COL11A1: variants seen among roughly 807,000 people sequenced by gnomAD.
COL11A1 encodes the protein collagen type XI alpha 1 chain, also known as collagen alpha-1(XI) chain.
In COL11A1, 74 loss-of-function variants were observed where a neutral mutation model predicts 265.2. The observed-to-expected ratio is 0.28, with a 90% CI of 0.23 to 0.34. The LOEUF is 0.34. COL11A1 is among the 10% of genes least tolerant of loss of function. The pLI, the probability that COL11A1 is intolerant of heterozygous loss-of-function variation, is 1.00. For synonymous variants in COL11A1, 816 were observed against 727.6 expected, an observed-to-expected ratio of 1.12 and a Z score of -1.96; for missense variants, 2,165 against 2,263.6, an observed-to-expected ratio of 0.96 and a Z score of 0.88.
chr1:102,998,222 C>A (rs1664808068), intron 25 of COL11A1, 88 bp downstream of exon 25: 20 of 1,067,844 alleles, frequency 1.9e-5, no homozygotes, highest in Non-Finnish European at 2.9e-5. Flanking sequence ...TTATTACTAA[C>A]CTCATATAAT....
Position 102,989,507 on chromosome 1 carries a change from T to A in COL11A1, c.2394+11A>T. 6.3e-7 allele frequency: 1 copy of A among 1,597,584 alleles called. No individual in the cohort carries two copies. Among genetic ancestry groups the A allele is most frequent in the Non-Finnish European group, 8.6e-7 (1 of 1,166,548 alleles). On this transcript the variant is annotated intron_variant, in intron 29 of 66. Transcript: ENST00000370096. ...ATTTTGTGTACTGGTGTACATTTTC[T>A]CTATACTTACTCTGTCACCTTTTAG...
At chr1:103,030,392 A>T (rs1378911002) in intron 5 of COL11A1, among the ~76,000 whole-genome samples, 1 of 152,100 alleles carries the variant, frequency 6.6e-6, no homozygotes, top group Non-Finnish European at 1.5e-5. Context: ...AACAATTAAG[A>T]TAAAAGATTT....
intron 57 of COL11A1, among the ~76,000 whole-genome samples, chr1:102,892,287 T>C (rs1211667617): frequency 1.3e-5 from 2 of 152,132 alleles, no homozygotes; most frequent in East Asian, 1.9e-4. Flanking sequence ...ACATCATGAG[T>C]CACCACTATT....
In COL11A1 at chr1:103,014,570, T is replaced by C; in HGVS notation, c.1513A>G (p.Lys505Glu). 2 of 1,613,730 alleles carry C rather than the reference T, an allele frequency of 1.2e-6. No individual in the cohort carries two copies. The highest frequency in any genetic ancestry group is 1.7e-6 in the Non-Finnish European group (2 of 1,179,722). The change falls in exon 13 of 67, where the codon AAA (lysine) becomes GAA (glutamate). Residue 505 changes from lysine (K) to glutamate (E), a missense_variant. Transcript: ENST00000370096. ...TCCTGAGCAGAGATGGTTGGTCCTTTGGAACCATCACCACCATAACGGAAC... is the reference window on the plus strand; with the variant it reads ...TCCTGAGCAGAGATGGTTGGTCCTTCGGAACCATCACCACCATAACGGAAC... ...LPFRYGGDGS[K>E]GPTISAQEAQ... is the part of the protein sequence containing the mutation.
rs998600576 is a variant in COL11A1 at position 102,962,332 on chromosome 1, T to C, written c.3025-67A>G. On this transcript the variant is annotated intron_variant, in intron 39 of 66. Transcript: ENST00000370096. ...ACACATCTTTCTACAAACAAAATTG[T>C]GATTACCTCTAAACTACTGTAAGTA... 2.5e-6 allele frequency: 3 copies of C among 1,184,984 alleles called. No individual in the cohort carries two copies. The African/African-American group carries it at 4.5e-5, about 18-fold the overall frequency. The allele number at this position is 1,184,984 out of a possible 1,614,324, so 73.4% of individuals were successfully genotyped here.
Position 102,883,386 on chromosome 1 carries a change from G to T in COL11A1, c.4859-75C>A. 3 of 948,786 alleles carry T rather than the reference G, an allele frequency of 3.2e-6. 1 individual carries two copies. The South Asian group carries it at 3.9e-5, about 12-fold the overall frequency. The allele number at this position is 948,786 out of a possible 1,614,324, so 58.8% of individuals were successfully genotyped here. A position where few individuals can be genotyped will look rare whatever the true frequency, so the allele number is the denominator to read the frequency against. On this transcript the variant is annotated intron_variant, in intron 63 of 66. Coordinates refer to ENST00000370096, the MANE Select transcript of COL11A1 (RefSeq NM_001854.4). ...TTGAATGCATTAGATGTCAAATTTT[G>T]TTAGAAAGAGAAATAAGGAAAATAC...
chr1:102,954,521 G>T (rs900527385), intron 41 of COL11A1, among the ~76,000 whole-genome samples: 1 of 152,056 alleles, frequency 6.6e-6, no homozygotes. Flanking sequence ...CAACTAGAGG[G>T]CAAAAACACG....
At position 103,015,706 on chromosome 1, in the gene COL11A1, C is replaced by A; in HGVS notation, c.1450G>T (p.Gly484Cys). 1 of 1,608,868 alleles carries A rather than the reference C, an allele frequency of 6.2e-7. No homozygotes were observed. Among genetic ancestry groups the A allele is most frequent in the South Asian group, 1.1e-5 (1 of 90,400 alleles). ...PGRPGLPGADGLPGPPGTMLM... is the reference protein window; with the variant it reads ...PGRPGLPGADCLPGPPGTMLM... ...ATAGTACCAGGAGGACCAGGTAGAC[C>A]ATCAGCCCCTGGTAAGCCAGGACGT... Residue 484 changes from glycine (G) to cysteine (C), a missense_variant, in exon 12 of 67, where the codon GGT becomes TGT. Transcript: ENST00000370096.
intron 44 of COL11A1, among the ~76,000 whole-genome samples, chr1:102,937,579 G>A (rs1322146002): frequency 6.6e-6 from 1 of 152,134 alleles, no homozygotes. Flanking sequence ...TGGGGAGATT[G>A]AATTGTTTCT....
rs765419348 is a variant in COL11A1 at position 103,082,872 on chromosome 1, G to C, written c.207C>G (p.Gly69=). The change falls in exon 2 of 67, where the codon GGC becomes GGG. Residue 69 remains glycine (G), a synonymous_variant. Coordinates refer to ENST00000370096, the MANE Select transcript of COL11A1 (RefSeq NM_001854.4). ...GFCTNRKNSK[G]SDTAYRVSKQ... ...TTGAAACTCTGTAAGCAGTATCTGAGCCTTTAGAATTCTTTCTGTTTGTGC... is the reference window on the plus strand; with the variant it reads ...TTGAAACTCTGTAAGCAGTATCTGACCCTTTAGAATTCTTTCTGTTTGTGC... 8.1e-6 allele frequency: 13 copies of C among 1,613,544 alleles called. No individual in the cohort carries two copies. Among genetic ancestry groups the C allele is most frequent in the African/African-American group, 1.3e-5 (1 of 74,892 alleles).
At chr1:102,996,923 A>G (rs996136067) in intron 26 of COL11A1, among the ~76,000 whole-genome samples, 157 bp downstream of exon 26, 5 of 151,984 alleles carry the variant, frequency 3.3e-5, no homozygotes, top group Non-Finnish European at 1.5e-5. Context: ...TCTAATTTCT[A>G]AAATTACTGA....
chr1:103,077,578 C>T (rs1311660256), intron 3 of COL11A1, among the ~76,000 whole-genome samples: 2 of 151,686 alleles, frequency 1.3e-5, no homozygotes, highest in African/African-American at 2.4e-5. Flanking sequence ...TCTCTGTGGT[C>T]CTGACAAAAA....
intron 46 of COL11A1, among the ~76,000 whole-genome samples, chr1:102,932,934 C>G (rs1186261219): frequency 1.3e-5 from 2 of 148,922 alleles, no homozygotes; most frequent in Non-Finnish European, 1.5e-5. Context: ...CCTTGGTTTT[C>G]AGCTCCATCA....
rs759371572 is a variant in COL11A1 at position 103,025,491 on chromosome 1, C to A, written c.990+30G>T. Reference sequence around the variant, plus strand: ...TAAATTACATATTTAAAAAGTGGGACTGTGATTTAATACTGTCTATACGTA... The same window carrying A: ...TAAATTACATATTTAAAAAGTGGGAATGTGATTTAATACTGTCTATACGTA... On this transcript the variant is annotated intron_variant, in intron 7 of 66. Transcript: ENST00000370096. 12 of 1,430,148 alleles carry A rather than the reference C, an allele frequency of 8.4e-6. No individual in the cohort carries two copies. In the East Asian group the frequency reaches 2.3e-4, roughly 27 times the overall value. The allele number at this position is 1,430,148 out of a possible 1,614,324, so 88.6% of individuals were successfully genotyped here. A position where few individuals can be genotyped will look rare whatever the true frequency, so the allele number is the denominator to read the frequency against.
chr1:102,946,785 G>T, intron 42 of COL11A1, 64 bp downstream of exon 42: 1 of 1,282,352 alleles, frequency 7.8e-7, no homozygotes, highest in Non-Finnish European at 1.1e-6. Context: ...TAATATTATT[G>T]AATAAAAAGT....
chr1:103,080,354 C>CA (rs1177222688), intron 2 of COL11A1, among the ~76,000 whole-genome samples: 10 of 151,402 alleles, frequency 6.6e-5, no homozygotes, highest in South Asian at 2.1e-4. Flanking sequence ...ATTTACAAAG[C>CA]AAAAGAAAAA....
At position 102,913,836 on chromosome 1, in the gene COL11A1, T is replaced by C. The variant is rs578051898; in HGVS notation, c.3979-146A>G. 8.0e-5 allele frequency: 64 copies of C among 796,236 alleles called. 1 individual carries two copies. In the East Asian group the frequency reaches 1.3e-3, roughly 16 times the overall value. The allele number at this position is 796,236 out of a possible 1,614,324, so 49.3% of individuals were successfully genotyped here. A position where few individuals can be genotyped will look rare whatever the true frequency, so the allele number is the denominator to read the frequency against. ...ATCATTATATTCTTTTAACCTTTTT[T>C]AAAAAGATTGTGGTACCTCTCACTC... On this transcript the variant is annotated intron_variant, in intron 52 of 66. Transcript: ENST00000370096.
intron 21 of COL11A1, 117 bp downstream of exon 21, chr1:103,003,098 T>A: frequency 1.0e-6 from 1 of 1,003,170 alleles, no homozygotes; most frequent in Admixed American, 2.0e-5. Flanking sequence ...CAACAATAGA[T>A]CTTCAAACAT....
chr1:102,979,698 C>G, intron 31 of COL11A1: 1 of 502,016 alleles, frequency 2.0e-6, no homozygotes, highest in South Asian at 1.9e-5. Context: ...TATTTCATCT[C>G]TTGTTATAAA....
Sources: gnomAD v4.1 joint callset for allele counts (sites outside exome capture counted in the v4.1 genomes callset) on GRCh38, gnomAD v4.1.1 for gene constraint, MANE v1.5 for transcripts, NCBI Gene and HGNC (gene_info 2026-07-23, HGNC 2026-07-21) for gene names.